The following NXNL2 variants were observed in gnomAD, a reference collection of about 807,000 sequenced individuals.
NXNL2 encodes the protein nucleoredoxin-like protein 2.
NXNL2 carries 7 observed loss-of-function variants against 11.1 expected under a neutral mutation model. That is an observed-to-expected ratio of 0.63 (90% confidence interval 0.36 to 1.18). The LOEUF is 1.18. NXNL2 is among the 50% of genes most tolerant of loss of function. The pLI is 0.02. For missense variants in NXNL2, 233 were observed against 217.7 expected (o/e 1.07, Z -0.44); for synonymous variants, 109 against 101.8 (o/e 1.07, Z -0.42).
chr9:88,561,287 A>T (rs1394830869), intron 1 of NXNL2, among the ~76,000 whole-genome samples: 1 of 152,146 alleles, frequency 6.6e-6, no homozygotes, highest in Non-Finnish European at 1.5e-5. Context: ...TCAGACTCCA[A>T]GTTCTTCAGT....
downstream of NXNL2, among the ~76,000 whole-genome samples, chr9:88,578,192 A>C (rs530638124): frequency 1.3e-5 from 2 of 152,312 alleles, no homozygotes; most frequent in South Asian, 4.1e-4. Flanking sequence ...ATCACAACCA[A>C]AATAACTGGA....
downstream of NXNL2, among the ~76,000 whole-genome samples, chr9:88,545,750 T>A (rs902798081): frequency 6.6e-6 from 1 of 152,080 alleles, no homozygotes; most frequent in African/African-American, 2.4e-5. Flanking sequence ...ATGAAATATT[T>A]ATTTAATTAT....
At chr9:88,540,881 C>T (rs894768560) in intron 1 of NXNL2, among the ~76,000 whole-genome samples, 19 of 150,572 alleles carry the variant, frequency 1.3e-4, no homozygotes, top group African/African-American at 4.7e-4. Flanking sequence ...CCAGGTTGGC[C>T]TCATTTTTGA....
At chr9:88,556,003 C>A (rs1415749025) in intron 1 of NXNL2, among the ~76,000 whole-genome samples, 1 of 152,208 alleles carries the variant, frequency 6.6e-6, no homozygotes, top group African/African-American at 2.4e-5. Flanking sequence ...TGGCTTCCAC[C>A]TTGGGTGCTG....
At chr9:88,570,092 A>AT (rs199976731) in intron 1 of NXNL2, among the ~76,000 whole-genome samples, 8 of 146,894 alleles carry the variant, frequency 5.4e-5, no homozygotes, top group East Asian at 2.0e-4. Context: ...GCTTGTTTTT[A>AT]TTTTTTTTTA....
intron 1 of NXNL2, among the ~76,000 whole-genome samples, chr9:88,570,222 G>T (rs1224129695): frequency 6.6e-6 from 1 of 152,116 alleles, no homozygotes; most frequent in African/African-American, 2.4e-5. Flanking sequence ...AGGTTCAAGT[G>T]ATTCTCTTGC....
chr9:88,562,842 C>T (rs1830103422), intron 1 of NXNL2, among the ~76,000 whole-genome samples: 1 of 151,938 alleles, frequency 6.6e-6, no homozygotes, highest in South Asian at 2.1e-4. Context: ...AAAATCCCAA[C>T]ACTTCGGGAG....
At position 88,540,582 on chromosome 9, in the gene NXNL2, A is replaced by G. The variant is rs370651874; in HGVS notation, c.303-3797A>G. Among the ~76,000 whole-genome samples the G allele has an allele frequency of 3.3e-5, 5 of 152,320 alleles. No individual in the cohort carries two copies. The East Asian group carries it at 5.8e-4, about 18-fold the overall frequency. On this transcript the variant is annotated intron_variant, in intron 1 of 1. Coordinates refer to ENST00000375854, the MANE Select transcript of NXNL2 (RefSeq NM_001161625.2). ...TGAGACATGACTTTCTCAGTTCTGCAAATACAGTTTTGGCTGAGTGGTCTC... is the reference window on the plus strand; with the variant it reads ...TGAGACATGACTTTCTCAGTTCTGCGAATACAGTTTTGGCTGAGTGGTCTC...
chr9:88,564,293 C>CTAT (rs780340267), intron 1 of NXNL2, among the ~76,000 whole-genome samples: 20 of 128,166 alleles, frequency 1.6e-4, no homozygotes, highest in East Asian at 6.9e-4. Flanking sequence ...TATTATCTAT[C>CTAT]TATCTATCTA....
intron 1 of NXNL2, among the ~76,000 whole-genome samples, chr9:88,537,362 C>A (rs539192997): frequency 6.6e-6 from 1 of 152,278 alleles, no homozygotes; most frequent in East Asian, 1.9e-4. Flanking sequence ...TCGCTTGGGG[C>A]CATGGAGACT....
chr9:88,540,247 G>A (rs541335350), intron 1 of NXNL2, among the ~76,000 whole-genome samples: 1 of 152,018 alleles, frequency 6.6e-6, no homozygotes, highest in South Asian at 2.1e-4. Context: ...CAGGAGAATG[G>A]CGTGAACCTG....
chr9:88,567,702 C>A (rs899375689), intron 1 of NXNL2, among the ~76,000 whole-genome samples: 1 of 152,156 alleles, frequency 6.6e-6, no homozygotes, highest in African/African-American at 2.4e-5. Flanking sequence ...GTCTTTCTCC[C>A]GCTAATAAAA....
chr9:88,563,128 C>A (rs1830109865), intron 1 of NXNL2, among the ~76,000 whole-genome samples: 1 of 152,080 alleles, frequency 6.6e-6, no homozygotes, highest in South Asian at 2.1e-4. Context: ...TGAGGGCTTA[C>A]CACATATGGG....
downstream of NXNL2, among the ~76,000 whole-genome samples, chr9:88,549,210 G>C (rs114987042): frequency 0.016 from 2,366 of 152,254 alleles, 70 homozygotes; most frequent in African/African-American, 0.054. Flanking sequence ...CTATCGTCTT[G>C]AAGAAACCTG....
At position 88,566,594 on chromosome 9, in the gene NXNL2, C is replaced by CGCCTG. The variant is rs1830174218; in HGVS notation, c.303-4489_303-4485dup. 6.6e-5 allele frequency among the ~76,000 whole-genome samples: 10 copies of CGCCTG among 152,150 alleles called. 1 individual carries two copies. The South Asian group carries it at 2.1e-3, about 31-fold the overall frequency. ...CTGGGATTACAGGCATGAGCCACTGCGCCTGGCCGATCCCTTATGTTTTCT... is the reference window on the plus strand; with the variant it reads ...CTGGGATTACAGGCATGAGCCACTGCGCCTGGCCTGGCCGATCCCTTATGTTTTCT... On this transcript the variant is annotated intron_variant, in intron 1 of 2. Coordinates refer to the NXNL2 transcript ENST00000375855.
At chr9:88,565,735 C>T (rs1422167600) in intron 1 of NXNL2, among the ~76,000 whole-genome samples, 2 of 152,100 alleles carry the variant, frequency 1.3e-5, no homozygotes, top group African/African-American at 4.8e-5. Flanking sequence ...GAGGGTTTCA[C>T]CACATTGGCC....
chr9:88,555,116 C>T (rs1357132343), intron 1 of NXNL2, among the ~76,000 whole-genome samples: 3 of 152,186 alleles, frequency 2.0e-5, no homozygotes, highest in African/African-American at 7.2e-5. Context: ...CAGGAGGCCA[C>T]ATGGGTTTTT....
At chr9:88,546,650 A>T (rs1389161195), downstream of NXNL2, among the ~76,000 whole-genome samples, 1 of 151,416 alleles carries the variant, frequency 6.6e-6, no homozygotes, top group Non-Finnish European at 1.5e-5. Context: ...CCTGACCTCA[A>T]GTGATCCACC....
intron 1 of NXNL2, 71 bp downstream of exon 1, chr9:88,535,807 C>A: frequency 7.7e-7 from 1 of 1,292,134 alleles, no homozygotes; most frequent in Non-Finnish European, 1.0e-6. Context: ...GCCTCCCCCT[C>A]TGCACTGGGG....
Sources: gnomAD v4.1 joint callset for allele counts (sites outside exome capture counted in the v4.1 genomes callset) on GRCh38, gnomAD v4.1.1 for gene constraint, MANE v1.5 for transcripts, NCBI Gene and HGNC (gene_info 2026-07-23, HGNC 2026-07-21) for gene names.